The following HSD17B6 variants were observed in gnomAD, a reference collection of about 807,000 sequenced individuals.
The protein encoded by HSD17B6 is hydroxysteroid 17-beta dehydrogenase 6.
A neutral mutation model predicts 26.4 loss-of-function variants in HSD17B6; 16 were observed. The ratio of observed to expected loss-of-function variants is 0.61; its 90% confidence interval spans 0.41 to 0.92. The LOEUF (loss-of-function observed/expected upper bound fraction) is 0.92. HSD17B6 is among the 40% of genes least tolerant of loss of function. The pLI, the probability that HSD17B6 is intolerant of heterozygous loss-of-function variation, is 0.00. For synonymous variants in HSD17B6, 139 were observed against 153.0 expected, an observed-to-expected ratio of 0.91 and a Z score of 0.68; for missense variants, 357 against 386.1, an observed-to-expected ratio of 0.92 and a Z score of 0.63.
At chr12:56,765,837 G>A in intron 1 of HSD17B6, among the ~76,000 whole-genome samples, 1 of 152,100 alleles carries the variant, frequency 6.6e-6, no homozygotes, top group East Asian at 1.9e-4. Context: ...CAAAATCAGG[G>A]TTGGGGCAGG....
Position 56,787,371 on chromosome 12 carries a change from G to T in HSD17B6, c.*29G>T, listed in dbSNP as rs746284884. On this transcript the variant is annotated 3_prime_UTR_variant, in exon 5 of 5. Transcript: ENST00000322165. ...AAACTGGGTTGGTGCTTCTTGGAAT[G>T]AAGGCAAAAATCTGAAATTGTTAGT... 1.6e-5 allele frequency: 24 copies of T among 1,479,838 alleles called. No homozygotes were observed. The East Asian group carries it at 5.0e-4, about 31-fold the overall frequency. The allele number at this position is 1,479,838 out of a possible 1,614,324, so 91.7% of individuals were successfully genotyped here.
Position 56,787,549 on chromosome 12 carries a change from C to A in HSD17B6, c.*207C>A. On this transcript the variant is annotated 3_prime_UTR_variant, in exon 5 of 5. Coordinates refer to ENST00000322165, the MANE Select transcript of HSD17B6 (RefSeq NM_003725.4). ...AGGTGATGAATCTTTACTATTTTAG[C>A]CCTTTTTTGATGAGACTATTTGTCT... The A allele has an allele frequency of 1.8e-6, 1 of 557,792 alleles. No homozygotes were observed. The highest frequency in any genetic ancestry group is 3.2e-6 in the Non-Finnish European group (1 of 315,854). 34.6% of individuals were successfully genotyped at this position (557,792 alleles called of 1,614,324 possible).
At chr12:56,786,633 T>C (rs1954881105) in intron 4 of HSD17B6, among the ~76,000 whole-genome samples, 1 of 152,282 alleles carries the variant, frequency 6.6e-6, no homozygotes, top group East Asian at 1.9e-4. Flanking sequence ...GAGGATCGCT[T>C]GAGCCCAGGA....
chr12:56,773,790 T>C, intron 1 of HSD17B6, 44 bp from the exon 2 acceptor site: 1 of 1,487,340 alleles, frequency 6.7e-7, no homozygotes, highest in Non-Finnish European at 9.0e-7. Flanking sequence ...GATATATTGG[T>C]TAAATAATAA....
At chr12:56,782,949 G>T (rs551607165) in intron 3 of HSD17B6, among the ~76,000 whole-genome samples, 39 of 152,256 alleles carry the variant, frequency 2.6e-4, no homozygotes, top group African/African-American at 9.4e-4. Flanking sequence ...AGAGAGCACA[G>T]GGTTGGGGTT....
In HSD17B6 at chr12:56,781,093, C is replaced by T. The variant is rs917176082; in HGVS notation, c.314-881C>T. 3.9e-5 allele frequency among the ~76,000 whole-genome samples: 6 copies of T among 152,106 alleles called. No homozygotes were observed. In the East Asian group the frequency reaches 5.8e-4, roughly 15 times the overall value. Reference sequence around the variant, plus strand: ...TTTATGTTCAAGTGCTATTTCTTTACGACACCAAAAAGCAAACATTTCAAA... The same window carrying T: ...TTTATGTTCAAGTGCTATTTCTTTATGACACCAAAAAGCAAACATTTCAAA... On this transcript the variant is annotated intron_variant, in intron 2 of 4. Transcript: ENST00000322165.
intron 1 of HSD17B6, among the ~76,000 whole-genome samples, chr12:56,764,098 GAAAAAAAGAAA>G (rs967325051): frequency 5.0e-5 from 6 of 120,442 alleles, no homozygotes; most frequent in South Asian, 2.7e-4. Flanking sequence ...AAAGAAGAAA[GAAAAAAAGAAA>G]AAAAAAAGAA....
intron 3 of HSD17B6, among the ~76,000 whole-genome samples, chr12:56,783,000 T>C (rs1954759353): frequency 6.6e-6 from 1 of 152,244 alleles, no homozygotes; most frequent in African/African-American, 2.4e-5. Context: ...GAAGAATTTT[T>C]CTTAGTACAG....
intron 1 of HSD17B6, among the ~76,000 whole-genome samples, chr12:56,772,569 G>T (rs1170378256): frequency 6.6e-6 from 1 of 151,772 alleles, no homozygotes; most frequent in Non-Finnish European, 1.5e-5. Context: ...GGTGGCACGT[G>T]CCTGTAATCC....
chr12:56,786,003 G>A (rs1003980944), intron 4 of HSD17B6: 19 of 962,302 alleles, frequency 2.0e-5, no homozygotes, highest in Non-Finnish European at 2.3e-5. Flanking sequence ...AAATGGGAAT[G>A]ACTTCTAATA....
At chr12:56,784,659 A>G (rs1367294738) in intron 3 of HSD17B6, among the ~76,000 whole-genome samples, 194 bp from the exon 4 acceptor site, 1 of 152,146 alleles carries the variant, frequency 6.6e-6, no homozygotes, top group Non-Finnish European at 1.5e-5. Flanking sequence ...CATCAGAGGG[A>G]GACCATGGAA....
chr12:56,764,088 A>AAAG (rs1565913736), intron 1 of HSD17B6, among the ~76,000 whole-genome samples: 1 of 148,640 alleles, frequency 6.7e-6, no homozygotes, highest in African/African-American at 2.5e-5. Context: ...AAAAAAAAAA[A>AAAG]AAGAAGAAAG....
At chr12:56,783,328 C>T (rs1954774015) in intron 3 of HSD17B6, among the ~76,000 whole-genome samples, 1 of 139,062 alleles carries the variant, frequency 7.2e-6, no homozygotes, top group Non-Finnish European at 1.6e-5. Context: ...GAGCCCCCCA[C>T]CTCCCTCCCG....
intron 2 of HSD17B6, among the ~76,000 whole-genome samples, 186 bp from the exon 3 acceptor site, chr12:56,781,788 C>T (rs540157165): frequency 1.2e-4 from 18 of 152,104 alleles, no homozygotes; most frequent in Non-Finnish European, 2.1e-4. Context: ...GGCGATAGGG[C>T]GAGACTTTGT....
chr12:56,783,528 G>A (rs1565923169), intron 3 of HSD17B6, among the ~76,000 whole-genome samples: 2 of 145,582 alleles, frequency 1.4e-5, no homozygotes, highest in Non-Finnish European at 3.1e-5. Flanking sequence ...GGGGCGGCCG[G>A]CCGGGCGGGG....
chr12:56,783,697 C>T (rs1387403632), intron 3 of HSD17B6, among the ~76,000 whole-genome samples: 8 of 143,926 alleles, frequency 5.6e-5, no homozygotes, highest in African/African-American at 1.3e-4. Flanking sequence ...GGGCTGACCC[C>T]CCTCACCTCC....
In HSD17B6 at chr12:56,782,038, CA is replaced by C; in HGVS notation, c.379del (p.Thr127LeufsTer5). 1 of 1,614,150 alleles carries C rather than the reference CA, an allele frequency of 6.2e-7. No individual in the cohort carries two copies. The highest frequency in any genetic ancestry group is 8.5e-7 in the Non-Finnish European group (1 of 1,180,026). The stretch of plus-strand genomic sequence containing the variant: ...CAATTACCTTATGTGAGTGGCTGAA[CA>C]CTGAGGACTCTATGAATATGCTCAA... ...TPITLCEWLN[T>X]EDSMNMLKVN... On this transcript the variant is annotated frameshift_variant, in exon 3 of 5. Coordinates refer to ENST00000322165, the MANE Select transcript of HSD17B6 (RefSeq NM_003725.4). LOFTEE classifies it high-confidence loss of function.
intron 1 of HSD17B6, among the ~76,000 whole-genome samples, chr12:56,765,594 C>T (rs1954308005): frequency 6.6e-6 from 1 of 151,892 alleles, no homozygotes; most frequent in Admixed American, 6.6e-5. Context: ...ACCTCCCAGG[C>T]TAAAGTGATT....
chr12:56,770,500 C>T (rs1954446144), intron 1 of HSD17B6: 1 of 152,352 alleles, frequency 6.6e-6, no homozygotes, highest in South Asian at 2.1e-4. Context: ...GCCCCCCTTT[C>T]CTTGGCTTTC....
Sources: allele counts gnomAD v4.1 joint callset (sites outside exome capture counted in the v4.1 genomes callset), GRCh38; gene constraint gnomAD v4.1.1; transcripts MANE v1.5; gene names NCBI Gene and HGNC (gene_info 2026-07-23, HGNC 2026-07-21).